The following PALM2AKAP2 variants were observed in gnomAD, a reference collection of about 807,000 sequenced individuals.
The protein encoded by PALM2AKAP2 is PALM2-AKAP2 fusion protein.
In PALM2AKAP2, 37 loss-of-function variants were observed where a neutral mutation model predicts 71.5. The ratio of observed to expected loss-of-function variants is 0.52; its 90% CI spans 0.40 to 0.68. The LOEUF is 0.68. PALM2AKAP2 is among the 30% of genes least tolerant of loss of function. The pLI is 0.00. For synonymous variants in PALM2AKAP2, 468 were observed against 478.8 expected (o/e 0.98, Z 0.29); for missense variants, 1,224 against 1,191.8 (o/e 1.03, Z -0.40).
At position 110,106,319 on chromosome 9, in the gene PALM2AKAP2, CAG is replaced by C. The variant is rs1254566768; in HGVS notation, c.157-29803_157-29802del. On this transcript the variant is annotated intron_variant, in intron 1 of 3. Coordinates refer to ENST00000374525, the Ensembl canonical transcript of PALM2AKAP2. ...GCTGACTATGCAGGAGACAAGAAAT[CAG>C]AGAGTTGGGTCCAGAGGTAGCTGGC... Among the ~76,000 whole-genome samples the C allele has an allele frequency of 3.3e-5, 5 of 152,260 alleles. No individual in the cohort carries two copies. The East Asian group carries it at 9.6e-4, about 29-fold the overall frequency.
chr9:110,122,381 G>C (rs1835508308), intron 1 of PALM2AKAP2, among the ~76,000 whole-genome samples: 1 of 152,208 alleles, frequency 6.6e-6, no homozygotes, highest in Non-Finnish European at 1.5e-5. Context: ...TCTTGGGTCT[G>C]CTCCTTCCTG....
At chr9:109,826,405 G>A (rs1828152583) in intron 1 of PALM2AKAP2, among the ~76,000 whole-genome samples, 1 of 151,990 alleles carries the variant, frequency 6.6e-6, no homozygotes, top group South Asian at 2.1e-4. Context: ...GTTTTGTTTT[G>A]TATCATGAAT....
chr9:109,735,440 T>C (rs886519350), intron 1 of PALM2AKAP2, among the ~76,000 whole-genome samples: 4 of 151,962 alleles, frequency 2.6e-5, no homozygotes, highest in African/African-American at 9.7e-5. Flanking sequence ...AAAGGCAGTT[T>C]CATGGGACAA....
intron 1 of PALM2AKAP2, among the ~76,000 whole-genome samples, chr9:110,129,816 G>A (rs964292400): frequency 6.6e-6 from 1 of 152,140 alleles, no homozygotes; most frequent in Admixed American, 6.5e-5. Flanking sequence ...CCCAGGTCTG[G>A]GTGGTTCTTG....
chr9:109,870,132 C>T (rs1484272473), intron 2 of PALM2AKAP2, among the ~76,000 whole-genome samples: 3 of 152,170 alleles, frequency 2.0e-5, no homozygotes, highest in Non-Finnish European at 2.9e-5. Flanking sequence ...GGAGGGTCCT[C>T]AGGCCACAGT....
intron 1 of PALM2AKAP2, among the ~76,000 whole-genome samples, chr9:109,798,189 A>T (rs1387644453): frequency 6.6e-6 from 1 of 152,142 alleles, no homozygotes; most frequent in Non-Finnish European, 1.5e-5. Flanking sequence ...TTTCATAAGG[A>T]CACCAATCAT....
Position 109,712,474 on chromosome 9 carries a change from G to T in PALM2AKAP2, c.6-68014G>T, listed in dbSNP as rs552678709. Among the ~76,000 whole-genome samples the T allele has an allele frequency of 2.6e-5, 4 of 152,266 alleles. No homozygotes were observed. The South Asian group carries it at 8.3e-4, about 32-fold the overall frequency. On this transcript the variant is annotated intron_variant, in intron 1 of 6. Transcript: ENST00000374531. ...AGAAGTGTGTCAGCTTTCCAATGAC[G>T]TGTTTTTTCCAATAATTCAACTCAT...
intron 1 of PALM2AKAP2, among the ~76,000 whole-genome samples, chr9:110,129,094 C>T (rs1835678091): frequency 6.6e-6 from 1 of 152,144 alleles, no homozygotes; most frequent in South Asian, 2.1e-4. Context: ...AAACAGAACC[C>T]CTTCAGAGAC....
intron 6 of PALM2AKAP2, among the ~76,000 whole-genome samples, chr9:109,997,197 T>A (rs1832590762): frequency 6.6e-6 from 1 of 152,044 alleles, no homozygotes; most frequent in African/African-American, 2.4e-5. Context: ...CTTGAAAAAA[T>A]AAATAAATAT....
At chr9:109,866,393 G>A (rs1829449525) in intron 1 of PALM2AKAP2, among the ~76,000 whole-genome samples, 1 of 152,116 alleles carries the variant, frequency 6.6e-6, no homozygotes, top group African/African-American at 2.4e-5. Context: ...AAATGTCTCA[G>A]CAAACCACTC....
chr9:110,089,989 A>T (rs1834668112), intron 1 of PALM2AKAP2, among the ~76,000 whole-genome samples: 1 of 152,252 alleles, frequency 6.6e-6, no homozygotes, highest in Non-Finnish European at 1.5e-5. Context: ...ATTACATTTG[A>T]ATTCAAGTAA....
chr9:109,768,035 A>AGGTAGGAGGGAGC (rs1564140546), intron 1 of PALM2AKAP2, among the ~76,000 whole-genome samples: 1 of 102,958 alleles, frequency 9.7e-6, no homozygotes, highest in African/African-American at 5.4e-5. Context: ...GAAGGAAAGA[A>AGGTAGGAGGGAGC]AAAGAGGGAA....
intron 1 of PALM2AKAP2, among the ~76,000 whole-genome samples, chr9:109,747,808 T>C (rs1828826033): frequency 1.3e-5 from 2 of 152,154 alleles, no homozygotes; most frequent in Non-Finnish European, 2.9e-5. Context: ...TAGCTGGGAA[T>C]ACAGGTGCTC....
At chr9:109,882,714 C>T (rs937794607) in intron 3 of PALM2AKAP2, among the ~76,000 whole-genome samples, 3 of 152,124 alleles carry the variant, frequency 2.0e-5, no homozygotes, top group Non-Finnish European at 4.4e-5. Context: ...GCGATCATAG[C>T]TCACTGCAGC....
chr9:110,047,036 AT>A (rs759827057), upstream of PALM2AKAP2, among the ~76,000 whole-genome samples: 12 of 152,242 alleles, frequency 7.9e-5, no homozygotes, highest in Non-Finnish European at 1.6e-4. Flanking sequence ...GCATCCAAGC[AT>A]TTAATTCCTT....
chr9:110,117,991 G>A (rs1835403886), intron 1 of PALM2AKAP2, among the ~76,000 whole-genome samples: 1 of 151,076 alleles, frequency 6.6e-6, no homozygotes, highest in Admixed American at 6.6e-5. Context: ...GTGTGTGTGT[G>A]TGTGTGTGTG....
At chr9:109,650,163 G>A (rs753034742) in intron 1 of PALM2AKAP2, among the ~76,000 whole-genome samples, 3 of 152,004 alleles carry the variant, frequency 2.0e-5, no homozygotes, top group Non-Finnish European at 2.9e-5. Context: ...CACTCTGGTA[G>A]GGAACCAGCC....
intron 1 of PALM2AKAP2, among the ~76,000 whole-genome samples, chr9:110,106,119 T>A (rs1835115220): frequency 6.6e-6 from 1 of 152,208 alleles, no homozygotes; most frequent in African/African-American, 2.4e-5. Flanking sequence ...ATCTGCATAA[T>A]TTTGCATTGG....
chr9:109,912,600 A>C (rs1354930301), intron 3 of PALM2AKAP2, among the ~76,000 whole-genome samples: 11 of 152,222 alleles, frequency 7.2e-5, no homozygotes, highest in Non-Finnish European at 5.9e-5. Context: ...TGTAGCATTG[A>C]TTTGCATGAA....
Sources: allele counts gnomAD v4.1 joint callset (sites outside exome capture counted in the v4.1 genomes callset), GRCh38; gene constraint gnomAD v4.1.1; transcripts MANE v1.5; gene names NCBI Gene and HGNC (gene_info 2026-07-23, HGNC 2026-07-21).